Variants in DACH2 observed in about 807,000 individuals in gnomAD.
DACH2 encodes the protein dachshund family transcription factor 2, also known as dachshund homolog 2.
Under a neutral mutation model 35.8 loss-of-function variants are expected in DACH2, and 17 were observed. That is an observed-to-expected ratio of 0.48 (90% CI 0.33 to 0.71). The LOEUF is 0.71. DACH2 is among the 30% of genes least tolerant of loss of function. DACH2 has a pLI of 0.02. For synonymous variants in DACH2, 195 were observed against 177.3 expected (o/e 1.10, Z -0.79); for missense variants, 469 against 472.7 (o/e 0.99, Z 0.07).
At chrX:86,430,081 T>C (rs1376454175) in intron 2 of DACH2, among the ~76,000 whole-genome samples, 1 of 112,299 alleles carries the variant, frequency 8.9e-6, no homozygotes, top group Non-Finnish European at 1.9e-5. Flanking sequence ...TGATATAATA[T>C]TGTGGCATGG....
At position 86,418,209 on chromosome X, in the gene DACH2, C is replaced by T. The variant is rs190352941; in HGVS notation, c.527+41347C>T. ...ATTGAGTGTCTGGGGATTTTCCAGG[C>T]GCACAATGTAAGCTGTCAGTGGATC... On this transcript the variant is annotated intron_variant, in intron 2 of 11. Coordinates refer to ENST00000373125, the MANE Select transcript of DACH2 (RefSeq NM_053281.3). 3.8e-3 allele frequency among the ~76,000 whole-genome samples: 425 copies of T among 111,653 alleles called. 1 individual carries two copies. The highest frequency in any genetic ancestry group is 0.013 in the African/African-American group (384 of 30,703).
chrX:86,667,600 GAA>G lies in DACH2; in HGVS notation c.772+16435_772+16436del, dbSNP rs201081406. Among the ~76,000 whole-genome samples the G allele has an allele frequency of 7.0e-3, 714 of 102,010 alleles. 16 individuals are homozygous for G. Among genetic ancestry groups the G allele is most frequent in the African/African-American group, 0.028 (687 of 24,677 alleles). 88.6% of individuals were successfully genotyped at this position (102,010 alleles called of 115,157 possible). On this transcript the variant is annotated intron_variant, in intron 4 of 11. Transcript: ENST00000373125. ...AGAAAGAAAGAAAGAAAGAAAGAAA[GAA>G]AGAAAGAAAGAAAGGCAGGCAGGCC...
At chrX:86,296,117 C>T (rs1007682718) in intron 1 of DACH2, among the ~76,000 whole-genome samples, 28 of 109,105 alleles carry the variant, frequency 2.6e-4, no homozygotes, top group Non-Finnish European at 4.6e-4. Context: ...AGGTGGCTCA[C>T]GCTTGTAATC....
At chrX:86,405,276 G>A (rs547527324) in intron 2 of DACH2, among the ~76,000 whole-genome samples, 182 of 111,889 alleles carry the variant, frequency 1.6e-3, no homozygotes, top group African/African-American at 5.7e-3. Flanking sequence ...TCATCAGGCT[G>A]CAAATTTTCC....
chrX:86,643,180 T>C (rs1414442979), intron 3 of DACH2, among the ~76,000 whole-genome samples: 1 of 106,654 alleles, frequency 9.4e-6, no homozygotes, highest in Non-Finnish European at 1.9e-5. Flanking sequence ...TTGTTTTTTT[T>C]TTTTTTTGAA....
At chrX:86,492,477 A>G (rs990344574) in intron 2 of DACH2, among the ~76,000 whole-genome samples, 4 of 112,234 alleles carry the variant, frequency 3.6e-5, no homozygotes, top group Non-Finnish European at 7.5e-5. Flanking sequence ...TTGTAGATTC[A>G]GAAGGTGCAT....
At chrX:86,227,020 A>G (rs2147929106) in intron 1 of DACH2, among the ~76,000 whole-genome samples, 1 of 111,169 alleles carries the variant, frequency 9.0e-6, no homozygotes, top group Non-Finnish European at 1.9e-5. Flanking sequence ...TTGGGAGAAA[A>G]GTAATATCCT....
At chrX:86,819,372 T>G (rs897626713) in intron 11 of DACH2, among the ~76,000 whole-genome samples, 6 of 110,740 alleles carry the variant, frequency 5.4e-5, no homozygotes, top group Admixed American at 9.7e-5. Context: ...ATCAACCATC[T>G]TATCAACCAA....
In DACH2 at chrX:86,725,200, A is replaced by G. The variant is rs2041452514; in HGVS notation, c.1104+10480A>G. Among the ~76,000 whole-genome samples, 5 of 110,844 alleles carry G rather than the reference A, an allele frequency of 4.5e-5. No homozygotes were observed. In the South Asian group the frequency reaches 1.9e-3, roughly 42 times the overall value. ...TCATTCAGTAATTTCATTTTGATTC[A>G]TTTCTTTTCCTGAACAATTTTTTAT... On this transcript the variant is annotated intron_variant, in intron 6 of 11. Transcript: ENST00000373125.
At chrX:86,171,093 C>A (rs898300009) in intron 1 of DACH2, among the ~76,000 whole-genome samples, 2 of 111,857 alleles carry the variant, frequency 1.8e-5, no homozygotes, top group Non-Finnish European at 3.8e-5. Flanking sequence ...ATGCAGCTCC[C>A]AGCTTGACTT....
intron 3 of DACH2, among the ~76,000 whole-genome samples, chrX:86,568,762 C>T (rs2039325687): frequency 9.0e-6 from 1 of 111,296 alleles, no homozygotes; most frequent in South Asian, 3.7e-4. Context: ...ATGCTAGACA[C>T]TACTCCTTAA....
chrX:86,494,264 T>C (rs947498150), intron 2 of DACH2, among the ~76,000 whole-genome samples: 35 of 112,081 alleles, frequency 3.1e-4, no homozygotes, highest in African/African-American at 1.1e-3. Flanking sequence ...TTTAAAAACT[T>C]ACTTGTTTTT....
chrX:86,212,575 A>G lies in DACH2; in HGVS notation c.488+63467A>G, dbSNP rs367837490. ...GAAGTTTAGTAGAGATAAAATAATA[A>G]TTACAGAAGAATTTGCCTGCCTTTT... On this transcript the variant is annotated intron_variant, in intron 1 of 11. Coordinates refer to ENST00000373125, the MANE Select transcript of DACH2 (RefSeq NM_053281.3). Among the ~76,000 whole-genome samples the G allele has an allele frequency of 3.6e-5, 4 of 111,338 alleles. No homozygotes were observed. In the South Asian group the frequency reaches 1.5e-3, roughly 42 times the overall value.
At chrX:86,752,464 C>CT (rs1344865604) in intron 7 of DACH2, among the ~76,000 whole-genome samples, 2 of 111,442 alleles carry the variant, frequency 1.8e-5, no homozygotes, top group Non-Finnish European at 3.8e-5. Context: ...AAAGGTTAGA[C>CT]TTTTGAAATA....
At chrX:86,180,424 T>G (rs1366760649) in intron 1 of DACH2, among the ~76,000 whole-genome samples, 1 of 108,429 alleles carries the variant, frequency 9.2e-6, no homozygotes, top group African/African-American at 3.3e-5. Context: ...TGGAGTATTT[T>G]AAAAAATATA....
At chrX:86,540,472 A>G (rs186005293) in intron 3 of DACH2, among the ~76,000 whole-genome samples, 1 of 112,513 alleles carries the variant, frequency 8.9e-6, no homozygotes, top group East Asian at 2.8e-4. Context: ...AAAGGAAAGT[A>G]GCCCAATCAG....
intron 2 of DACH2, among the ~76,000 whole-genome samples, chrX:86,400,174 G>T (rs185309134): frequency 9.0e-6 from 1 of 111,356 alleles, no homozygotes; most frequent in African/African-American, 3.3e-5. Context: ...TGATCGCATC[G>T]GCTACTGAGG....
intron 3 of DACH2, among the ~76,000 whole-genome samples, chrX:86,594,664 A>T (rs1394057067): frequency 9.0e-6 from 1 of 111,616 alleles, no homozygotes; most frequent in South Asian, 3.7e-4. Flanking sequence ...GTTTAATGTC[A>T]TCAGAGCCTG....
intron 3 of DACH2, among the ~76,000 whole-genome samples, chrX:86,636,244 C>T (rs914394335): frequency 2.7e-5 from 3 of 110,676 alleles, no homozygotes; most frequent in African/African-American, 6.6e-5. Context: ...GTCAGGAGTT[C>T]GAGACCAGCC....
Sources: allele counts gnomAD v4.1 joint callset (sites outside exome capture counted in the v4.1 genomes callset), GRCh38; gene constraint gnomAD v4.1.1; transcripts MANE v1.5; gene names NCBI Gene and HGNC (gene_info 2026-07-23, HGNC 2026-07-21).